The following SBF1 variants were observed in gnomAD, a reference collection of about 807,000 sequenced individuals.
The protein encoded by SBF1 is myotubularin-related protein 5.
In SBF1, 65 loss-of-function variants were observed where a neutral mutation model predicts 215.8. That is an observed-to-expected ratio of 0.30 (90% confidence interval 0.25 to 0.37). The LOEUF (loss-of-function observed/expected upper bound fraction) is 0.37. Ranked by LOEUF, SBF1 falls within the 10% of genes least tolerant of loss-of-function variation. The pLI is 1.00. For missense variants in SBF1, 2,634 were observed against 2,667.8 expected, an observed-to-expected ratio of 0.99 and a Z score of 0.28; for synonymous variants, 1,410 against 1,122.8, an observed-to-expected ratio of 1.26 and a Z score of -5.11.
rs2148587875 is a variant in SBF1 at position 50,461,272 on chromosome 22, C to T, written c.2854G>A (p.Val952Met). 1.6e-5 allele frequency: 25 copies of T among 1,611,096 alleles called. No individual in the cohort carries two copies. The highest frequency in any genetic ancestry group is 2.1e-5 in the Non-Finnish European group (25 of 1,178,196). Residue 952 changes from valine (V) to methionine (M), a missense_variant, in exon 23 of 41, where the codon GTG (valine) becomes ATG (methionine). By Grantham distance (21) the Val-to-Met change is conservative. Transcript: ENST00000380817. ...GCAGCCACCGGGAAGGAGCGGACCA[C>T]CACCTGCTCCCCAACTTAGGACAGG... ...PTDPLVGEQV[V>M]VRSFPVAALT...
chr22:50,459,650 T>C lies in SBF1; in HGVS notation c.3508A>G (p.Ile1170Val). The change falls in exon 27 of 41, where the codon ATC becomes GTC. Residue 1170 changes from isoleucine to valine, a missense_variant. Ile to Val is a conservative substitution (Grantham distance 29). Coordinates refer to ENST00000380817, the MANE Select transcript of SBF1 (RefSeq NM_002972.4). ...AICRSYPGLL[I>V]VPQSVQDNAL... ...TTGTCCTGGACACTCTGGGGCACGA[T>C]CAGCAGCCCTGGGTAGCTGAGAGGA... 6.2e-7 allele frequency: 1 copy of C among 1,606,816 alleles called. No homozygotes were observed. The highest frequency in any genetic ancestry group is 8.5e-7 in the Non-Finnish European group (1 of 1,177,738).
In SBF1 at chr22:50,466,090, G is replaced by A; in HGVS notation, c.898-16C>T. 1 of 1,613,306 alleles carries A rather than the reference G, an allele frequency of 6.2e-7. No individual in the cohort carries two copies. The highest frequency in any genetic ancestry group is 8.5e-7 in the Non-Finnish European group (1 of 1,179,758). ...TCACATCGAGCTGCGGACCAAGGGA[G>A]CCGGCAGTCAGGGACCTGCAGGCCT... is the stretch of plus-strand genomic sequence containing the variant. On this transcript the variant is annotated splice_polypyrimidine_tract_variant and intron_variant, in intron 8 of 40. Transcript: ENST00000380817.
rs528762327 is a variant in SBF1 at position 50,454,518 on chromosome 22, C to G, written c.5037G>C (p.Leu1679=). ...GCTCTGGGATCACACGCACCTCCAG[C>G]AGGCGTGAGATGGCGTCAGGCTGGG... ...PRAQPDAISR[L]LEELQRLETE... Residue 1679 remains leucine, a synonymous_variant, in exon 36 of 41, where the codon CTG becomes CTC. Coordinates refer to ENST00000380817, the MANE Select transcript of SBF1 (RefSeq NM_002972.4). 1 of 1,608,852 alleles carries G rather than the reference C, an allele frequency of 6.2e-7. No individual in the cohort carries two copies. Among genetic ancestry groups the G allele is most frequent in the African/African-American group, 1.3e-5 (1 of 75,052 alleles).
intron 36 of SBF1, among the ~76,000 whole-genome samples, chr22:50,451,185 A>G (rs2067033356): frequency 3.4e-5 from 5 of 147,320 alleles, no homozygotes; most frequent in Admixed American, 3.4e-4. Context: ...AAAAAAAAAA[A>G]AAAAAAAAGT....
intron 1 of SBF1, among the ~76,000 whole-genome samples, chr22:50,474,032 C>T (rs1436026425): frequency 6.6e-6 from 1 of 152,214 alleles, no homozygotes; most frequent in Non-Finnish European, 1.5e-5. Context: ...CTGATGTCAT[C>T]GTCAGGCTCC....
At chr22:50,456,447 T>TG in intron 30 of SBF1, 45 bp downstream of exon 30, 6 of 1,504,204 alleles carry the variant, frequency 4.0e-6, no homozygotes, top group Non-Finnish European at 5.4e-6. Flanking sequence ...CCAAGCCCCC[T>TG]GCCGAGCCCC....
chr22:50,470,837 G>T (rs984137083), intron 1 of SBF1, among the ~76,000 whole-genome samples: 1 of 152,202 alleles, frequency 6.6e-6, no homozygotes, highest in Non-Finnish European at 1.5e-5. Context: ...GAACACAGCT[G>T]GCCCCTGGAA....
chr22:50,469,632 G>C, intron 1 of SBF1, among the ~76,000 whole-genome samples: 1 of 152,178 alleles, frequency 6.6e-6, no homozygotes, highest in East Asian at 1.9e-4. Context: ...CAGGTCCCCA[G>C]GGCCCATCCT....
Position 50,462,585 on chromosome 22 carries a change from G to C in SBF1, c.2101C>G (p.Pro701Ala), listed in dbSNP as rs1256557109. 1.2e-6 allele frequency: 2 copies of C among 1,612,018 alleles called. No individual in the cohort carries two copies. The highest frequency in any genetic ancestry group is 2.7e-5 in the African/African-American group (2 of 74,910). ...TGGGCGGGGGCCAGGTCCTCCGTGG[G>C]CTCCAGGTAGAGGGCCCGGATGTGA... Reference protein sequence around the residue: ...QTHIRALYLEPTEDLAPAQEV... With the variant: ...QTHIRALYLEATEDLAPAQEV... Residue 701 changes from proline to alanine, a missense_variant, in exon 18 of 41, where the codon CCC (proline) becomes GCC (alanine). Physicochemically the swap from Pro to Ala is conservative, Grantham distance 27 (BLOSUM62 -1). Coordinates refer to ENST00000380817, the MANE Select transcript of SBF1 (RefSeq NM_002972.4).
intron 1 of SBF1, among the ~76,000 whole-genome samples, chr22:50,471,737 C>T (rs1420907194): frequency 1.3e-5 from 2 of 152,104 alleles, no homozygotes; most frequent in Non-Finnish European, 2.9e-5. Context: ...GGCCTTGGAC[C>T]CCTTCCGGCT....
rs371044439 is a variant in SBF1 at position 50,455,256 on chromosome 22, C to T, written c.4522G>A (p.Val1508Ile). The stretch of plus-strand genomic sequence containing the variant: ...ACGCAGTCCAGGAACTGCAGGAAGA[C>T]GGGTGTGAAGCCGCTGCTCTGCCCG... ...LAGQSSGFTP[V>I]FLQFLDCVHQ... Residue 1508 changes from valine to isoleucine, a missense_variant, in exon 33 of 41, where the codon GTC becomes ATC. Val to Ile is a conservative substitution (Grantham distance 29). Coordinates refer to ENST00000380817, the MANE Select transcript of SBF1 (RefSeq NM_002972.4). The T allele has an allele frequency of 1.2e-5, 20 of 1,612,990 alleles. No individual in the cohort carries two copies. The highest frequency in any genetic ancestry group is 1.2e-4 in the South Asian group (11 of 91,064).
In SBF1 at chr22:50,467,614, G is replaced by C; in HGVS notation, c.356C>G (p.Thr119Arg). ...CAGCTGGGCAGATGGGGCAGGTGCTGTGGGAGACAGGTGGGTCTGGCCTCC... is the reference window on the plus strand; with the variant it reads ...CAGCTGGGCAGATGGGGCAGGTGCTCTGGGAGACAGGTGGGTCTGGCCTCC... ...DEGGQTHLSP[T>R]APAPSAQLFA... Residue 119 changes from threonine (T) to arginine (R), a missense_variant, in exon 4 of 41, where the codon ACA becomes AGA. By Grantham distance (71) the Thr-to-Arg change is moderately conservative. Transcript: ENST00000380817. The C allele has an allele frequency of 6.2e-7, 1 of 1,614,128 alleles. No individual in the cohort carries two copies. The highest frequency in any genetic ancestry group is 8.5e-7 in the Non-Finnish European group (1 of 1,179,988).
At chr22:50,453,346 T>A (rs9617012) in intron 36 of SBF1, among the ~76,000 whole-genome samples, 58,836 of 152,018 alleles carry the variant, frequency 0.39, 12,348 homozygotes, top group Non-Finnish European at 0.48. Context: ...GTCACCTCCA[T>A]CACAAACCAT....
At chr22:50,462,746 G>A (rs1406434410) in intron 17 of SBF1, 29 bp from the exon 18 acceptor site, 4 of 1,609,862 alleles carry the variant, frequency 2.5e-6, no homozygotes, top group Admixed American at 1.7e-5. Context: ...AAGGTCAGCT[G>A]GATGCAGCCA....
intron 22 of SBF1, 26 bp downstream of exon 22, chr22:50,461,487 GAGGGGGCGAC>G: frequency 6.4e-7 from 1 of 1,559,064 alleles, no homozygotes; most frequent in South Asian, 1.1e-5. Context: ...ACCTGGGGGA[GAGGGGGCGAC>G]AGGGCCAGAG....
Position 50,460,630 on chromosome 22 carries a change from G to T in SBF1, c.3050C>A (p.Pro1017Gln), listed in dbSNP as rs780146082. ...CGCAAAGGTGGCCCTGATGTCCGGC[G>T]GGTACCGCAGCTTATGCAGCTGCTT... is the stretch of plus-strand genomic sequence containing the variant. ...FRKQLHKLRY[P>Q]PDIRATFAFT... The change falls in exon 24 of 41, where the codon CCG (proline) becomes CAG (glutamine). Residue 1017 changes from proline to glutamine, a missense_variant. Coordinates refer to ENST00000380817, the MANE Select transcript of SBF1 (RefSeq NM_002972.4). 1.9e-6 allele frequency: 3 copies of T among 1,614,092 alleles called. No homozygotes were observed. Among genetic ancestry groups the T allele is most frequent in the Non-Finnish European group, 2.5e-6 (3 of 1,180,034 alleles).
At chr22:50,458,234 G>A (rs2067336985) in intron 28 of SBF1, among the ~76,000 whole-genome samples, 1 of 151,714 alleles carries the variant, frequency 6.6e-6, no homozygotes, top group Admixed American at 6.6e-5. Context: ...GAACCTGGGA[G>A]GTGGAGCTTG....
At chr22:50,469,701 G>C (rs2067926483) in intron 1 of SBF1, among the ~76,000 whole-genome samples, 1 of 152,166 alleles carries the variant, frequency 6.6e-6, no homozygotes, top group Non-Finnish European at 1.5e-5. Context: ...AGCCAGATGG[G>C]CAAGGCGGGG....
chr22:50,472,086 G>A (rs993192947), intron 1 of SBF1, among the ~76,000 whole-genome samples: 1 of 152,196 alleles, frequency 6.6e-6, no homozygotes, highest in African/African-American at 2.4e-5. Context: ...AGTCTGTCTA[G>A]TCCTGATGCC....
Sources: allele counts gnomAD v4.1 joint callset (sites outside exome capture counted in the v4.1 genomes callset), GRCh38; gene constraint gnomAD v4.1.1; transcripts MANE v1.5; gene names NCBI Gene and HGNC (gene_info 2026-07-23, HGNC 2026-07-21).